MMS19: variants seen among roughly 807,000 people sequenced by gnomAD.
The protein encoded by MMS19 is MMS19 nucleotide excision repair protein homolog.
In MMS19, 77 loss-of-function variants were observed where a neutral mutation model predicts 129.8. That is an observed-to-expected ratio of 0.59 (90% CI 0.49 to 0.72). The LOEUF (loss-of-function observed/expected upper bound fraction) is 0.72. Among genes scored for constraint, MMS19 ranks in the 30% least tolerant of loss-of-function variants. The pLI is 0.00. For synonymous variants in MMS19, 491 were observed against 502.8 expected (o/e 0.98, Z 0.31); for missense variants, 1,168 against 1,266.3 (o/e 0.92, Z 1.18).
intron 11 of MMS19, among the ~76,000 whole-genome samples, chr10:97,469,350 C>G (rs2034204744): frequency 6.6e-6 from 1 of 152,342 alleles, no homozygotes; most frequent in East Asian, 1.9e-4. Flanking sequence ...CTCTGCTCAC[C>G]TTTCTATTCA....
chr10:97,478,070 T>C, intron 4 of MMS19, 141 bp from the exon 5 acceptor site: 1 of 671,164 alleles, frequency 1.5e-6, no homozygotes, highest in South Asian at 1.9e-5. Context: ...TGAGACTCTT[T>C]CTCAAGCTGA....
intron 8 of MMS19, 89 bp downstream of exon 8, chr10:97,476,594 G>A: frequency 8.3e-7 from 1 of 1,202,880 alleles, no homozygotes; most frequent in Non-Finnish European, 1.2e-6. Flanking sequence ...GTCTATTTTG[G>A]TGACCTGTAC....
At position 97,459,297 on chromosome 10, in the gene MMS19, CAAG is replaced by C. The variant is rs768120839; in HGVS notation, c.2905-18_2905-16del. On this transcript the variant is annotated splice_polypyrimidine_tract_variant and intron_variant, in intron 28 of 30. Transcript: ENST00000438925. ...ATCCGGACAGCCTGGAACACAACCA[CAAG>C]GAGGTGAGAGCATGCCCAGGGAGAG... is the stretch of plus-strand genomic sequence containing the variant. 4 of 1,613,210 alleles carry C rather than the reference CAAG, an allele frequency of 2.5e-6. No homozygotes were observed. The highest frequency in any genetic ancestry group is 3.4e-6 in the Non-Finnish European group (4 of 1,179,566).
intron 14 of MMS19, 40 bp from the exon 15 acceptor site, chr10:97,466,941 G>A: frequency 6.2e-7 from 1 of 1,611,494 alleles, no homozygotes; most frequent in Non-Finnish European, 8.5e-7. Context: ...GGAAGCCACT[G>A]CATTCCATAT....
At chr10:97,498,148 C>G in intron 1 of MMS19, 125 bp downstream of exon 1, 5 of 887,808 alleles carry the variant, frequency 5.6e-6, no homozygotes, top group South Asian at 5.1e-5. Flanking sequence ...GCGGTGCTCA[C>G]TAACCAGCCT....
Position 97,460,891 on chromosome 10 carries a change from C to T in MMS19, c.2412+16G>A, listed in dbSNP as rs2031674172. On this transcript the variant is annotated intron_variant, in intron 24 of 30. Transcript: ENST00000438925. ...ATTGCCTCTCTGGCTAACCAGACTC[C>T]ACTCCAACTCCTTACCCAGAGAAGA... 1.3e-6 allele frequency: 2 copies of T among 1,564,026 alleles called. No homozygotes were observed.
chr10:97,463,163 G>T (rs562647701), intron 19 of MMS19, among the ~76,000 whole-genome samples: 2,059 of 129,216 alleles, frequency 0.016, 18 homozygotes, highest in Non-Finnish European at 0.023. Flanking sequence ...CTGTGAAACA[G>T]TTTTTTTTTT....
chr10:97,478,433 A>G (rs1434144060), intron 3 of MMS19, 44 bp from the exon 4 acceptor site: 1 of 1,395,414 alleles, frequency 7.2e-7, no homozygotes, highest in Non-Finnish European at 1.0e-6. Context: ...AGGCACGAGA[A>G]GGGCCCAAGA....
At chr10:97,482,747 C>T (rs1428236892) in intron 2 of MMS19, among the ~76,000 whole-genome samples, 9 of 145,750 alleles carry the variant, frequency 6.2e-5, no homozygotes, top group African/African-American at 2.2e-4. Flanking sequence ...TACACACACA[C>T]ACACACACAC....
Position 97,478,436 on chromosome 10 carries a change from GCC to G in MMS19, c.263-49_263-48del, listed in dbSNP as rs2036162000. The G allele has an allele frequency of 2.9e-6, 4 of 1,379,610 alleles. No homozygotes were observed. In the Admixed American group the frequency reaches 7.7e-5, roughly 27 times the overall value. 85.5% of individuals were successfully genotyped at this position (1,379,610 alleles called of 1,614,324 possible). ...ATTAGTTGACATAGGCACGAGAAGG[GCC>G]CAAGAGCTTTGTTCCTTCCCTAAGT... On this transcript the variant is annotated intron_variant, in intron 3 of 30. Coordinates refer to ENST00000438925, the MANE Select transcript of MMS19 (RefSeq NM_022362.5).
chr10:97,495,255 G>A (rs7093946), intron 1 of MMS19, among the ~76,000 whole-genome samples: 79,088 of 152,098 alleles, frequency 0.52, 20,872 homozygotes, highest in South Asian at 0.58. Flanking sequence ...CCAGGTAGTG[G>A]CAGGCTTTGA....
At position 97,478,309 on chromosome 10, in the gene MMS19, C is replaced by T; in HGVS notation, c.343G>A (p.Ala115Thr). The T allele has an allele frequency of 6.3e-7, 1 of 1,596,412 alleles. No individual in the cohort carries two copies. The highest frequency in any genetic ancestry group is 8.5e-7 in the Non-Finnish European group (1 of 1,171,376). The change falls in exon 4 of 31, where the codon GCA becomes ACA. Residue 115 changes from alanine (A) to threonine (T), a missense_variant. By Grantham distance (58) the Ala-to-Thr change is moderately conservative. This residue lies in a region of MMS19 where 329 missense variants were observed against 328.6 expected (regional missense o/e 1.00). Coordinates refer to ENST00000438925, the MANE Select transcript of MMS19 (RefSeq NM_022362.5). ...VIPSVLQGLK[A>T]LSLCVALPPG... ...TGAAATGAAGGAAAACTCACAAGTG[C>T]CTTCAAACCCTGCAGGACAGATGGG...
rs771336282 is a variant in MMS19 at position 97,476,821 on chromosome 10, C to T, written c.622+14G>A. ...TAAAGCTCCAATGAGCTAATCATGGCTACCACGATATACCCAGGCTATAGT... is the reference window on the plus strand; with the variant it reads ...TAAAGCTCCAATGAGCTAATCATGGTTACCACGATATACCCAGGCTATAGT... On this transcript the variant is annotated intron_variant, in intron 7 of 30. Transcript: ENST00000438925. The T allele has an allele frequency of 3.1e-6, 5 of 1,613,848 alleles. No homozygotes were observed. Among genetic ancestry groups the T allele is most frequent in the Non-Finnish European group, 4.2e-6 (5 of 1,179,868 alleles).
At chr10:97,478,741 G>A (rs943109371) in intron 3 of MMS19, among the ~76,000 whole-genome samples, 2 of 152,082 alleles carry the variant, frequency 1.3e-5, no homozygotes, top group African/African-American at 4.8e-5. Flanking sequence ...CAACTCTGCT[G>A]TTTTAACAAA....
At position 97,467,627 on chromosome 10, in the gene MMS19, G is replaced by A. The variant is rs1005036892; in HGVS notation, c.1219-44C>T. ...TACTAGAGTCAAAGAATATTTTAAA[G>A]GATTTCAATCCTGCTACTCTGGATA... is the stretch of plus-strand genomic sequence containing the variant. On this transcript the variant is annotated intron_variant, in intron 13 of 30. Coordinates refer to ENST00000438925, the MANE Select transcript of MMS19 (RefSeq NM_022362.5). 4.4e-6 allele frequency: 7 copies of A among 1,575,658 alleles called. No individual in the cohort carries two copies. In the African/African-American group the frequency reaches 5.4e-5, roughly 12 times the overall value.
rs1303798255 is a variant in MMS19 at position 97,467,686 on chromosome 10, G to A, written c.1219-103C>T. 1.2e-5 allele frequency: 13 copies of A among 1,110,508 alleles called. No homozygotes were observed. In the East Asian group the frequency reaches 1.8e-4, roughly 15 times the overall value. 68.8% of individuals were successfully genotyped at this position (1,110,508 alleles called of 1,614,324 possible). On this transcript the variant is annotated intron_variant, in intron 13 of 30. Transcript: ENST00000438925. ...ATTCTTTCTTTCTTCCAAGAGATGG[G>A]GGTTTTGCTATGCCACAGCCAGGCT...
intron 25 of MMS19, 87 bp from the exon 26 acceptor site, chr10:97,460,319 T>A: frequency 7.7e-7 from 1 of 1,292,936 alleles, no homozygotes; most frequent in Non-Finnish European, 1.1e-6. Context: ...TGGTGGCTCA[T>A]GCCTGTAATC....
chr10:97,490,676 A>C (rs1344251494), intron 1 of MMS19, among the ~76,000 whole-genome samples: 1 of 152,168 alleles, frequency 6.6e-6, no homozygotes, highest in Admixed American at 6.5e-5. Context: ...AGTTCTCCTA[A>C]AGTCTGTGGT....
At chr10:97,473,689 G>A (rs1424989342) in intron 8 of MMS19, among the ~76,000 whole-genome samples, 1 of 152,034 alleles carries the variant, frequency 6.6e-6, no homozygotes, top group Non-Finnish European at 1.5e-5. Flanking sequence ...AATATCTTGT[G>A]ACAAGTGAAA....
Sources: allele counts gnomAD v4.1 joint callset (sites outside exome capture counted in the v4.1 genomes callset), GRCh38; gene constraint gnomAD v4.1.1; regional missense constraint gnomAD v4.1.1; transcripts MANE v1.5; gene names NCBI Gene and HGNC (gene_info 2026-07-23, HGNC 2026-07-21).